The following ATRN variants were observed in gnomAD, a reference collection of about 807,000 sequenced individuals.
ATRN encodes attractin.
Under a neutral mutation model 178.7 loss-of-function variants are expected in ATRN, and 54 were observed. The observed-to-expected ratio is 0.30, with a 90% CI of 0.24 to 0.38. ATRN has a LOEUF of 0.38. ATRN is among the 10% of genes least tolerant of loss of function. The pLI is 1.00. For synonymous variants in ATRN, 636 were observed against 663.0 expected, an observed-to-expected ratio of 0.96 and a Z score of 0.63; for missense variants, 1,443 against 1,815.1, an observed-to-expected ratio of 0.79 and a Z score of 3.73.
chr20:3,499,502 CA>C (rs1442647472), intron 1 of ATRN, among the ~76,000 whole-genome samples: 1 of 151,180 alleles, frequency 6.6e-6, no homozygotes, highest in East Asian at 1.9e-4. Context: ...ATCAATGGAA[CA>C]GAACAGAGCC....
chr20:3,560,597 C>A, intron 7 of ATRN, 65 bp from the exon 8 acceptor site: 1 of 1,338,836 alleles, frequency 7.5e-7, no homozygotes, highest in Non-Finnish European at 1.0e-6. Context: ...AGCTTTTGTT[C>A]TTCTCTGTTC....
At chr20:3,539,479 GA>G (rs2085587940) in intron 2 of ATRN, among the ~76,000 whole-genome samples, 2 of 152,162 alleles carry the variant, frequency 1.3e-5, no homozygotes, top group Non-Finnish European at 2.9e-5. Context: ...AACAGAAAGA[GA>G]AACAGAAAGA....
At chr20:3,521,431 T>A (rs992727528) in intron 1 of ATRN, among the ~76,000 whole-genome samples, 1 of 152,128 alleles carries the variant, frequency 6.6e-6, no homozygotes, top group Non-Finnish European at 1.5e-5. Context: ...ACATGTAAAT[T>A]CTTCAAGAAG....
chr20:3,564,015 A>G (rs895578012), intron 10 of ATRN, among the ~76,000 whole-genome samples: 3 of 152,192 alleles, frequency 2.0e-5, no homozygotes, highest in Non-Finnish European at 2.9e-5. Context: ...CTGTATACCC[A>G]TTAAACAATA....
At chr20:3,576,128 A>T (rs1254079497) in intron 13 of ATRN, among the ~76,000 whole-genome samples, 180 bp downstream of exon 13, 1 of 152,206 alleles carries the variant, frequency 6.6e-6, no homozygotes, top group Non-Finnish European at 1.5e-5. Context: ...CAAGGGTCCT[A>T]CTAGCCCTGG....
intron 1 of ATRN, among the ~76,000 whole-genome samples, chr20:3,488,721 G>A (rs2084733882): frequency 6.6e-6 from 1 of 152,098 alleles, no homozygotes; most frequent in Non-Finnish European, 1.5e-5. Context: ...ATAGATTTTA[G>A]AATCACCTTG....
chr20:3,624,373 T>G (rs1377518068), intron 24 of ATRN, 138 bp from the exon 25 acceptor site: 2 of 770,740 alleles, frequency 2.6e-6, no homozygotes, highest in African/African-American at 3.5e-5. Flanking sequence ...GGTGAGGTAC[T>G]TTTCCTTAAG....
At chr20:3,640,900 C>G (rs2087062250) in intron 27 of ATRN, among the ~76,000 whole-genome samples, 1 of 152,310 alleles carries the variant, frequency 6.6e-6, no homozygotes, top group Admixed American at 6.5e-5. Context: ...ACAACGTGGT[C>G]TATGCATCCA....
intron 2 of ATRN, 112 bp from the exon 3 acceptor site, chr20:3,540,110 A>G (rs1004558903): frequency 3.6e-6 from 2 of 557,304 alleles, no homozygotes; most frequent in African/African-American, 1.9e-5. Context: ...CTGGTGGGGC[A>G]GTTGTTAGAC....
rs150057998 is a variant in ATRN at position 3,561,612 on chromosome 20, A to G, written c.1448-664A>G. Reference sequence around the variant, plus strand: ...ATTTCCCTTGGTTAAATTTCATTGTATCTGTTGTTGTGCAGTAGGAATACC... The same window carrying G: ...ATTTCCCTTGGTTAAATTTCATTGTGTCTGTTGTTGTGCAGTAGGAATACC... On this transcript the variant is annotated intron_variant, in intron 8 of 28. Coordinates refer to ENST00000262919, the MANE Select transcript of ATRN (RefSeq NM_139321.3). Among the ~76,000 whole-genome samples, 152 of 152,322 alleles carry G rather than the reference A, an allele frequency of 1.0e-3. 1 individual carries two copies. The highest frequency in any genetic ancestry group is 3.4e-3 in the African/African-American group (141 of 41,576).
chr20:3,616,384 GTGCCCA>G (rs1419242216), intron 24 of ATRN, among the ~76,000 whole-genome samples: 1 of 152,122 alleles, frequency 6.6e-6, no homozygotes. Flanking sequence ...TGTTGGAGGT[GTGCCCA>G]TGCATTCCTG....
At position 3,594,561 on chromosome 20, in the gene ATRN, C is replaced by T. The variant is rs763509188; in HGVS notation, c.3405C>T (p.Asp1135=). The T allele has an allele frequency of 4.0e-5, 65 of 1,611,500 alleles. No individual in the cohort carries two copies. The highest frequency in any genetic ancestry group is 3.3e-4 in the East Asian group (15 of 44,822). The change falls in exon 20 of 29, where the codon GAC becomes GAT. Residue 1135 remains aspartate, a synonymous_variant. Transcript: ENST00000262919. ...CFCTTKGVKG[D]ECQLCEVENR... is the part of the protein sequence containing the mutation. ...GCACCACCAAGGGCGTCAAGGGGGA[C>T]GAGTGCCAGCTGTGAGTACCATACT... is the stretch of plus-strand genomic sequence containing the variant.
At chr20:3,550,198 G>A (rs760726208) in intron 6 of ATRN, among the ~76,000 whole-genome samples, 9 of 152,138 alleles carry the variant, frequency 5.9e-5, no homozygotes, top group South Asian at 2.1e-4. Flanking sequence ...TGCGGTGGCC[G>A]GCACCTGTAG....
At chr20:3,584,559 C>A in intron 17 of ATRN, 88 bp from the exon 18 acceptor site, 1 of 877,622 alleles carries the variant, frequency 1.1e-6, no homozygotes, top group Non-Finnish European at 1.7e-6. Flanking sequence ...TTGACTCAAG[C>A]CAGTTGAATA....
intron 1 of ATRN, among the ~76,000 whole-genome samples, chr20:3,487,635 C>CT (rs2084714115): frequency 6.6e-6 from 1 of 152,146 alleles, no homozygotes; most frequent in Non-Finnish European, 1.5e-5. Flanking sequence ...TTCAGTGAGA[C>CT]TTTATCAATG....
Position 3,628,951 on chromosome 20 carries a change from T to C in ATRN, c.3863+4379T>C, listed in dbSNP as rs1260577001. 3.0e-6 allele frequency: 3 copies of C among 985,220 alleles called. No homozygotes were observed. The African/African-American group carries it at 5.2e-5, about 17-fold the overall frequency. The allele number at this position is 985,220 out of a possible 1,614,324, so 61.0% of individuals were successfully genotyped here. A position where few individuals can be genotyped will look rare whatever the true frequency, so the allele number is the denominator to read the frequency against. On this transcript the variant is annotated intron_variant, in intron 25 of 28. Coordinates refer to ENST00000262919, the MANE Select transcript of ATRN (RefSeq NM_139321.3). ...CTGTGTTCTCTGACTGGACTCTGCC[T>C]TCCCCATCTGCAGCACGACATGCCC...
rs544716820 is a variant in ATRN at position 3,498,114 on chromosome 20, C to T, written c.410+26597C>T. On this transcript the variant is annotated intron_variant, in intron 1 of 28. Transcript: ENST00000262919. ...GGATAAATTCCTCGACACATACACC[C>T]TCCCAAGACTAAACCAGGAAGAAGT... is the stretch of plus-strand genomic sequence containing the variant. Among the ~76,000 whole-genome samples, 20 of 152,262 alleles carry T rather than the reference C, an allele frequency of 1.3e-4. No homozygotes were observed. The South Asian group carries it at 4.1e-3, about 32-fold the overall frequency.
At chr20:3,535,818 A>C (rs1600084996) in intron 2 of ATRN, among the ~76,000 whole-genome samples, 1 of 151,940 alleles carries the variant, frequency 6.6e-6, no homozygotes, top group Non-Finnish European at 1.5e-5. Context: ...TTAGTAGAGA[A>C]GGGGTTTCAC....
At chr20:3,500,614 C>A (rs559521570) in intron 1 of ATRN, among the ~76,000 whole-genome samples, 46 of 146,394 alleles carry the variant, frequency 3.1e-4, no homozygotes, top group African/African-American at 1.2e-3. Context: ...CATATTCTCA[C>A]TCATAGGTGG....
Sources: allele counts gnomAD v4.1 joint callset (sites outside exome capture counted in the v4.1 genomes callset), GRCh38; gene constraint gnomAD v4.1.1; transcripts MANE v1.5; gene names NCBI Gene and HGNC (gene_info 2026-07-23, HGNC 2026-07-21).